LAMC1: variants seen among roughly 807,000 people sequenced by gnomAD.
The protein encoded by LAMC1 is laminin subunit gamma-1.
In LAMC1, 38 loss-of-function variants were observed where a neutral mutation model predicts 173.6. The observed-to-expected ratio is 0.22, with a 90% CI of 0.17 to 0.29. The LOEUF is 0.29. Among genes scored for constraint, LAMC1 ranks in the 10% least tolerant of loss-of-function variants. The pLI is 1.00. For missense variants in LAMC1, 1,824 were observed against 2,051.8 expected (o/e 0.89, Z 2.14); for synonymous variants, 746 against 749.1 (o/e 1.00, Z 0.07).
rs773693970 is a variant in LAMC1 at position 183,118,068 on chromosome 1, G to A, written c.1912G>A (p.Ala638Thr). 5 of 1,613,668 alleles carry A rather than the reference G, an allele frequency of 3.1e-6. No homozygotes were observed. The highest frequency in any genetic ancestry group is 1.7e-5 in the Admixed American group (1 of 60,016). ...AGCAACAGATTACCCTTGGAGGCCT[G>A]CTCTTACCCCTTTTGAATTTCAGAA... ...HEATDYPWRP[A>T]LTPFEFQKLL... is the part of the protein sequence containing the mutation. The change falls in exon 11 of 28, where the codon GCT becomes ACT. Residue 638 changes from alanine to threonine, a missense_variant. Transcript: ENST00000258341.
chr1:183,112,250 A>G (rs188200506), intron 4 of LAMC1, among the ~76,000 whole-genome samples: 69 of 152,342 alleles, frequency 4.5e-4, no homozygotes, highest in Non-Finnish European at 8.5e-4. Flanking sequence ...GAACTGTAAT[A>G]TTCAGTGTTG....
In LAMC1 at chr1:183,077,583, G is replaced by GTCTATTGTATCTTTCTTAGGCTT. The variant is rs1171143159; in HGVS notation, c.419-25743_419-25721dup. On this transcript the variant is annotated intron_variant, in intron 1 of 27. Transcript: ENST00000258341. ...CCATCCTTCCCATCAAGTCCTCAAA[G>GTCTATTGTATCTTTCTTAGGCTT]TCTATTGTATCTTTCTTAGGCTTTT... Among the ~76,000 whole-genome samples, 103 of 151,828 alleles carry GTCTATTGTATCTTTCTTAGGCTT rather than the reference G, an allele frequency of 6.8e-4. 1 individual carries two copies. The highest frequency in any genetic ancestry group is 2.5e-3 in the Admixed American group (38 of 15,240).
intron 1 of LAMC1, among the ~76,000 whole-genome samples, chr1:183,101,926 C>A (rs1306778553): frequency 1.3e-5 from 2 of 152,162 alleles, no homozygotes; most frequent in Non-Finnish European, 2.9e-5. Flanking sequence ...TTATAGAGAA[C>A]GCTCAGTTGA....
chr1:183,105,076 T>C (rs912422370), intron 2 of LAMC1, among the ~76,000 whole-genome samples: 1 of 149,250 alleles, frequency 6.7e-6, no homozygotes, highest in African/African-American at 2.5e-5. Context: ...AAAAGTTAGT[T>C]AAGCATGGTG....
chr1:183,139,467 C>T (rs1156318668), intron 26 of LAMC1, among the ~76,000 whole-genome samples: 1 of 152,196 alleles, frequency 6.6e-6, no homozygotes, highest in Admixed American at 6.5e-5. Context: ...TTTCTCCCTC[C>T]TTTTACACTC....
At chr1:183,118,637 C>A (rs566820016) in intron 11 of LAMC1, among the ~76,000 whole-genome samples, 1 of 151,564 alleles carries the variant, frequency 6.6e-6, no homozygotes, top group Non-Finnish European at 1.5e-5. Flanking sequence ...GGATGAGATT[C>A]GCTTAAACCC....
At chr1:183,083,687 T>C (rs1655347424) in intron 1 of LAMC1, among the ~76,000 whole-genome samples, 2 of 152,244 alleles carry the variant, frequency 1.3e-5, no homozygotes, top group Non-Finnish European at 2.9e-5. Flanking sequence ...CAGATGTATA[T>C]TTAAAATATT....
intron 11 of LAMC1, among the ~76,000 whole-genome samples, chr1:183,118,757 G>A (rs1349216284): frequency 1.3e-5 from 2 of 151,416 alleles, no homozygotes; most frequent in Non-Finnish European, 2.9e-5. Context: ...TAATTCTACT[G>A]GCTCAAGTTG....
chr1:183,093,339 A>T (rs1474613056), intron 1 of LAMC1, among the ~76,000 whole-genome samples: 1 of 152,172 alleles, frequency 6.6e-6, no homozygotes, highest in Non-Finnish European at 1.5e-5. Context: ...TTTCAGGAGT[A>T]TATGACAAAG....
intron 1 of LAMC1, among the ~76,000 whole-genome samples, chr1:183,090,269 A>T (rs889851526): frequency 6.6e-6 from 1 of 152,178 alleles, no homozygotes. Flanking sequence ...CTAGGATTGC[A>T]AGATTATTTA....
chr1:183,108,495 C>A, intron 3 of LAMC1, 89 bp downstream of exon 3: 1 of 1,167,302 alleles, frequency 8.6e-7, no homozygotes, highest in Admixed American at 2.3e-5. Context: ...ATGTTAATAC[C>A]GTTGTTAGAT....
chr1:183,136,622 A>G, intron 25 of LAMC1, 37 bp downstream of exon 25: 2 of 1,513,954 alleles, frequency 1.3e-6, no homozygotes, highest in Non-Finnish European at 1.8e-6. Context: ...CCCTGCCCAT[A>G]TCTTTCTCTG....
At chr1:183,127,109 C>A in intron 16 of LAMC1, 117 bp from the exon 17 acceptor site, 2 of 912,584 alleles carry the variant, frequency 2.2e-6, no homozygotes, top group Non-Finnish European at 3.1e-6. Flanking sequence ...TCCTGTTTTT[C>A]AAAAAAATTA....
intron 1 of LAMC1, among the ~76,000 whole-genome samples, chr1:183,031,413 T>C (rs1017684929): frequency 6.6e-6 from 1 of 152,204 alleles, no homozygotes; most frequent in African/African-American, 2.4e-5. Flanking sequence ...CAAGCTATTC[T>C]TCTGCCTCAG....
In LAMC1 at chr1:183,110,669, A is replaced by T; in HGVS notation, c.1021+15A>T. 1 of 1,612,310 alleles carries T rather than the reference A, an allele frequency of 6.2e-7. No individual in the cohort carries two copies. Among genetic ancestry groups the T allele is most frequent in the Non-Finnish European group, 8.5e-7 (1 of 1,179,072 alleles). On this transcript the variant is annotated intron_variant, in intron 4 of 27. Coordinates refer to ENST00000258341, the MANE Select transcript of LAMC1 (RefSeq NM_002293.4). ...TGAATGCCTGCGTGAGTGCCCCATGACGTCAGTCTGTCAGTTGTCTTAAGG... is the reference window on the plus strand; with the variant it reads ...TGAATGCCTGCGTGAGTGCCCCATGTCGTCAGTCTGTCAGTTGTCTTAAGG...
chr1:183,094,501 T>C (rs1655645135), intron 1 of LAMC1, among the ~76,000 whole-genome samples: 1 of 152,222 alleles, frequency 6.6e-6, no homozygotes, highest in African/African-American at 2.4e-5. Flanking sequence ...TGTCTTATTC[T>C]CTGCTGATCC....
Position 183,077,776 on chromosome 1 carries a change from G to GTGTATATATA in LAMC1, c.419-25551_419-25550insGTATATATAT. ...TGAATAGTATTTTTATGGCCATTGT[G>GTGTATATATA]TATATATATATATATATATACAGTA... On this transcript the variant is annotated intron_variant, in intron 1 of 27. Transcript: ENST00000258341. Among the ~76,000 whole-genome samples, 33 of 116,562 alleles carry GTGTATATATA rather than the reference G, an allele frequency of 2.8e-4. 2 individuals carry two copies. Among genetic ancestry groups the GTGTATATATA allele is most frequent in the Admixed American group, 2.4e-3 (27 of 11,442 alleles). The allele number at this position is 116,562 out of a possible 152,430, so 76.5% of individuals were successfully genotyped here.
chr1:183,135,728 T>A (rs2022392), intron 24 of LAMC1, among the ~76,000 whole-genome samples: 80,287 of 146,026 alleles, frequency 0.55, 21,797 homozygotes, highest in South Asian at 0.65. Context: ...TAAAAAAAAA[T>A]TTTTTTTTTA....
At chr1:183,028,590 T>C (rs1423478700) in intron 1 of LAMC1, among the ~76,000 whole-genome samples, 3 of 152,254 alleles carry the variant, frequency 2.0e-5, no homozygotes, top group Non-Finnish European at 4.4e-5. Flanking sequence ...TTTGACTACC[T>C]AGTTGATTGC....
Sources: gnomAD v4.1 joint callset for allele counts (sites outside exome capture counted in the v4.1 genomes callset) on GRCh38, gnomAD v4.1.1 for gene constraint, MANE v1.5 for transcripts, NCBI Gene and HGNC (gene_info 2026-07-23, HGNC 2026-07-21) for gene names.